Variants in TSC22D1 observed in about 807,000 individuals in gnomAD.
TSC22D1 encodes TSC22 domain family protein 1.
In TSC22D1, 9 loss-of-function variants were observed where a neutral mutation model predicts 74.2. That is an observed-to-expected ratio of 0.12 (90% confidence interval 0.07 to 0.21). The LOEUF (loss-of-function observed/expected upper bound fraction) is 0.21. Ranked by LOEUF, TSC22D1 falls within the 10% of genes least tolerant of loss-of-function variation. The probability of loss-of-function intolerance (pLI) is 1.00; values close to 1 mark genes in which losing one functional copy is unlikely to be tolerated. For synonymous variants in TSC22D1, 586 were observed against 492.5 expected (o/e 1.19, Z -2.51); for missense variants, 1,427 against 1,304.7 (o/e 1.09, Z -1.44).
At chr13:44,445,177 C>CA (rs1228817564) in intron 1 of TSC22D1, among the ~76,000 whole-genome samples, 1 of 151,434 alleles carries the variant, frequency 6.6e-6, no homozygotes, top group Non-Finnish European at 1.5e-5. Flanking sequence ...AGTAAAATGA[C>CA]AGACATAGAG....
intron 1 of TSC22D1, among the ~76,000 whole-genome samples, chr13:44,556,635 A>C (rs1380628809): frequency 6.6e-6 from 1 of 151,202 alleles, no homozygotes; most frequent in East Asian, 2.0e-4. Context: ...GGAGGCCAAG[A>C]CGAGCAGATC....
At chr13:44,440,587 CAAAAAAAAAAA>C (rs67344848) in intron 1 of TSC22D1, among the ~76,000 whole-genome samples, 19 of 68,268 alleles carry the variant, frequency 2.8e-4, no homozygotes, top group African/African-American at 1.0e-3. Flanking sequence ...GGCTCTGTCT[CAAAAAAAAAAA>C]AAAAAAAAAA....
chr13:44,459,459 A>G (rs545907957), intron 1 of TSC22D1, among the ~76,000 whole-genome samples: 3 of 152,268 alleles, frequency 2.0e-5, no homozygotes, highest in East Asian at 1.9e-4. Context: ...CTGTCACTCA[A>G]TGAAGCTCCT....
intron 1 of TSC22D1, among the ~76,000 whole-genome samples, chr13:44,499,154 C>T (rs920482825): frequency 6.6e-6 from 1 of 152,222 alleles, no homozygotes; most frequent in Non-Finnish European, 1.5e-5. Flanking sequence ...ATCTACCAAT[C>T]CCCTAAGGCA....
chr13:44,440,587 CAAAAAAAA>C (rs67344848), intron 1 of TSC22D1, among the ~76,000 whole-genome samples: 7 of 68,270 alleles, frequency 1.0e-4, no homozygotes, highest in Admixed American at 3.7e-4. Flanking sequence ...GGCTCTGTCT[CAAAAAAAA>C]AAAAAAAAAA....
intron 1 of TSC22D1, among the ~76,000 whole-genome samples, chr13:44,563,953 A>G (rs1207043891): frequency 6.6e-6 from 1 of 152,184 alleles, no homozygotes; most frequent in Admixed American, 6.5e-5. Context: ...ACATGCATAC[A>G]TATCTTCTTA....
chr13:44,497,692 TAGA>T (rs1415599391), intron 1 of TSC22D1, among the ~76,000 whole-genome samples: 1 of 152,184 alleles, frequency 6.6e-6, no homozygotes. Flanking sequence ...ACTTCCACTT[TAGA>T]AGGTGATTTT....
chr13:44,512,950 T>C (rs1186275955), intron 1 of TSC22D1, among the ~76,000 whole-genome samples: 1 of 152,190 alleles, frequency 6.6e-6, no homozygotes, highest in African/African-American at 2.4e-5. Flanking sequence ...GCCTGGCCTC[T>C]TCATTCTTAT....
intron 1 of TSC22D1, among the ~76,000 whole-genome samples, chr13:44,438,536 G>A (rs1489690745): frequency 6.6e-6 from 1 of 152,106 alleles, no homozygotes; most frequent in Non-Finnish European, 1.5e-5. Flanking sequence ...TCTCTTTTGG[G>A]TTAAAAACCA....
intron 1 of TSC22D1, chr13:44,436,818 C>A (rs532743484): frequency 1.8e-5 from 24 of 1,369,058 alleles, no homozygotes; most frequent in Non-Finnish European, 2.1e-5. Context: ...CGTGAAGAGG[C>A]GCTTCCCAGA....
intron 1 of TSC22D1, among the ~76,000 whole-genome samples, chr13:44,476,779 T>C (rs1344888157): frequency 6.6e-6 from 1 of 152,140 alleles, no homozygotes; most frequent in Admixed American, 6.5e-5. Context: ...TGGGCTCATG[T>C]GATCCTCCTG....
At chr13:44,527,791 A>G (rs1360814474) in intron 1 of TSC22D1, among the ~76,000 whole-genome samples, 1 of 152,158 alleles carries the variant, frequency 6.6e-6, no homozygotes, top group Non-Finnish European at 1.5e-5. Context: ...TGTACACTAT[A>G]TGTTGGCTAC....
chr13:44,511,193 G>A (rs534389398), intron 1 of TSC22D1, among the ~76,000 whole-genome samples: 12 of 152,216 alleles, frequency 7.9e-5, no homozygotes, highest in African/African-American at 2.4e-4. Context: ...TGAGAGGCTG[G>A]AGGATTGCTT....
intron 1 of TSC22D1, chr13:44,538,732 C>A (rs990459841): frequency 2.0e-5 from 20 of 985,406 alleles, no homozygotes; most frequent in Non-Finnish European, 2.3e-5. Context: ...AGGTGGCTGG[C>A]TCATCCTTGT....
chr13:44,569,202 T>C (rs913139901), intron 1 of TSC22D1, among the ~76,000 whole-genome samples: 1 of 152,190 alleles, frequency 6.6e-6, no homozygotes, highest in Non-Finnish European at 1.5e-5. Flanking sequence ...AATGAGAAGA[T>C]TGAACCATAA....
At chr13:44,440,519 C>G (rs973558143) in intron 1 of TSC22D1, among the ~76,000 whole-genome samples, 3 of 141,168 alleles carry the variant, frequency 2.1e-5, no homozygotes, top group African/African-American at 8.1e-5. Context: ...ACCCAGGAGG[C>G]AGAGGTTGCA....
intron 1 of TSC22D1, chr13:44,537,271 C>A: frequency 1.0e-6 from 1 of 962,700 alleles, no homozygotes. Flanking sequence ...GGTAAATTCA[C>A]CAAAATAAAA....
At chr13:44,478,364 C>T (rs1248783075) in intron 1 of TSC22D1, among the ~76,000 whole-genome samples, 1 of 152,098 alleles carries the variant, frequency 6.6e-6, no homozygotes, top group Admixed American at 6.5e-5. Context: ...CTCATGATAA[C>T]TCTAACTTTG....
At chr13:44,559,680 A>G (rs1595168089) in intron 1 of TSC22D1, among the ~76,000 whole-genome samples, 1 of 146,532 alleles carries the variant, frequency 6.8e-6, no homozygotes, top group Non-Finnish European at 1.5e-5. Context: ...CACTGTGCCC[A>G]GCCCAAAAAT....
Sources: allele counts gnomAD v4.1 joint callset (sites outside exome capture counted in the v4.1 genomes callset), GRCh38; gene constraint gnomAD v4.1.1; transcripts MANE v1.5; gene names NCBI Gene and HGNC (gene_info 2026-07-23, HGNC 2026-07-21).